The following DOCK8 variants were observed in gnomAD, a reference collection of about 807,000 sequenced individuals.
DOCK8 encodes the protein dedicator of cytokinesis 8.
In DOCK8, 141 loss-of-function variants were observed where a neutral mutation model predicts 245.6. The observed-to-expected ratio is 0.57, with a 90% CI of 0.50 to 0.66. DOCK8 has a LOEUF of 0.66. Among genes scored for constraint, DOCK8 ranks in the 30% least tolerant of loss-of-function variants. DOCK8 has a pLI of 0.00. For synonymous variants in DOCK8, 1,168 were observed against 970.2 expected, an observed-to-expected ratio of 1.20 and a Z score of -3.79; for missense variants, 2,965 against 2,603.4, an observed-to-expected ratio of 1.14 and a Z score of -3.02.
intron 18 of DOCK8, 82 bp from the exon 19 acceptor site, chr9:376,128 C>T (rs2053505101): frequency 2.1e-6 from 2 of 947,216 alleles, no homozygotes; most frequent in Non-Finnish European, 3.5e-6. Context: ...CTGACATTTC[C>T]AGTCAAGTTG....
rs369052464 is a variant in DOCK8 at position 334,291 on chromosome 9, C to T, written c.1192C>T (p.Arg398Trp). 2.3e-5 allele frequency: 37 copies of T among 1,614,144 alleles called. No individual in the cohort carries two copies. Among genetic ancestry groups the T allele is most frequent in the African/African-American group, 6.7e-5 (5 of 75,048 alleles). The change falls in exon 11 of 48, where the codon CGG becomes TGG. Residue 398 changes from arginine to tryptophan, a missense_variant. By Grantham distance (101) the Arg-to-Trp change is moderately radical (BLOSUM62 -3). Around this residue, in one of 3 missense-constraint regions of DOCK8, gnomAD observed 2,825 missense variants for 2,453.5 expected, o/e 1.15. Transcript: ENST00000432829. ...ESFCQRLGKY[R>W]MPFAWAPISL... The stretch of plus-strand genomic sequence containing the variant: ...CTTCTGCCAGCGTTTGGGGAAATAC[C>T]GGATGCCCTTTGCCTGGGCACCCAT...
Position 304,463 on chromosome 9 carries a change from C to G in DOCK8, c.405-118C>G, listed in dbSNP as rs746658017. The G allele has an allele frequency of 5.9e-6, 8 of 1,367,072 alleles. No homozygotes were observed. The Admixed American group carries it at 1.2e-4, about 21-fold the overall frequency. 84.7% of individuals were successfully genotyped at this position (1,367,072 alleles called of 1,614,324 possible). On this transcript the variant is annotated intron_variant, in intron 4 of 47. Transcript: ENST00000432829. ...TGTGAGGAATTATAATTGGTTCCCT[C>G]TTTGAAAGCTCTCTCAGCACCATGT...
intron 46 of DOCK8, among the ~76,000 whole-genome samples, chr9:453,668 C>G (rs757069848): frequency 2.8e-4 from 43 of 152,156 alleles, no homozygotes; most frequent in Admixed American, 4.6e-4. Flanking sequence ...CTCAAATGAT[C>G]CACCTGCCTT....
Position 428,362 on chromosome 9 carries a change from G to T in DOCK8, c.4339G>T (p.Ala1447Ser). 1 of 1,614,132 alleles carries T rather than the reference G, an allele frequency of 6.2e-7. No individual in the cohort carries two copies. Among genetic ancestry groups the T allele is most frequent in the Non-Finnish European group, 8.5e-7 (1 of 1,180,028 alleles). ...TGATGCTGTTCTTCCATTCCCCCAG[G>T]CGAGCTCGGCTCTGGACTGTAAAGA... ...ILDMQENIIQ[A>S]SSALDCKDSL... is the part of the protein sequence containing the mutation. The change falls in exon 35 of 48, where the codon GCG (alanine) becomes TCG (serine). Residue 1447 changes from alanine (A) to serine (S), a missense_variant and splice_region_variant. Coordinates refer to ENST00000432829, the MANE Select transcript of DOCK8 (RefSeq NM_203447.4).
chr9:418,164 A>G lies in DOCK8; in HGVS notation c.3797A>G (p.Asn1266Ser), dbSNP rs1266083328. 1.2e-6 allele frequency: 2 copies of G among 1,614,144 alleles called. No homozygotes were observed. The highest frequency in any genetic ancestry group is 1.3e-5 in the African/African-American group (1 of 74,954). Residue 1266 changes from asparagine to serine, a missense_variant, in exon 30 of 48, where the codon AAT (asparagine) becomes AGT (serine). Coordinates refer to ENST00000432829, the MANE Select transcript of DOCK8 (RefSeq NM_203447.4). ...NQNVALAIAGNNFNLKTSGIV... is the reference protein window; with the variant it reads ...NQNVALAIAGSNFNLKTSGIV... ...AATGTGGCTCTGGCCATAGCAGGGA[A>G]TAATTTCAATTTGAAAACAAGTGGA...
rs749646963 is a variant in DOCK8 at position 403,858 on chromosome 9, ATCTCTCTCTCTCTC to A, written c.3235-1038_3235-1025del. ...CCAGTTCAACAGAGCAAGACTCTGT[ATCTCTCTCTCTCTC>A]TCTCTCTCTCTCTCTCTCTCTATAT... is the stretch of plus-strand genomic sequence containing the variant. On this transcript the variant is annotated intron_variant, in intron 26 of 47. Coordinates refer to ENST00000432829, the MANE Select transcript of DOCK8 (RefSeq NM_203447.4). 3.5e-3 allele frequency among the ~76,000 whole-genome samples: 291 copies of A among 83,976 alleles called. 2 individuals are homozygous for A. The highest frequency in any genetic ancestry group is 0.012 in the African/African-American group (265 of 21,740). 55.1% of individuals were successfully genotyped at this position (83,976 alleles called of 152,430 possible). A position where few individuals can be genotyped will look rare whatever the true frequency, so the allele number is the denominator to read the frequency against.
chr9:421,343 A>G (rs1252802550), intron 32 of DOCK8, among the ~76,000 whole-genome samples: 1 of 152,190 alleles, frequency 6.6e-6, no homozygotes, highest in Non-Finnish European at 1.5e-5. Flanking sequence ...GTAAAAGGTC[A>G]CCTCTAAGAA....
chr9:430,718 G>A (rs1463638626), intron 36 of DOCK8, among the ~76,000 whole-genome samples: 1 of 151,638 alleles, frequency 6.6e-6, no homozygotes, highest in Non-Finnish European at 1.5e-5. Flanking sequence ...TAGATTAAAA[G>A]TTATCATCTG....
rs1359479868 is a variant in DOCK8 at position 428,372 on chromosome 9, C to G, written c.4349C>G (p.Ala1450Gly). 6.2e-7 allele frequency: 1 copy of G among 1,614,176 alleles called. No homozygotes were observed. Among genetic ancestry groups the G allele is most frequent in the East Asian group, 2.2e-5 (1 of 44,874 alleles). Reference sequence around the variant, plus strand: ...CTTCCATTCCCCCAGGCGAGCTCGGCTCTGGACTGTAAAGACAGCCTGCTG... The same window carrying G: ...CTTCCATTCCCCCAGGCGAGCTCGGGTCTGGACTGTAAAGACAGCCTGCTG... ...MQENIIQASS[A>G]LDCKDSLLGG... is the part of the protein sequence containing the mutation. Residue 1450 changes from alanine (A) to glycine (G), a missense_variant, in exon 35 of 48, where the codon GCT (alanine) becomes GGT (glycine). Around this residue, in one of 3 missense-constraint regions of DOCK8, gnomAD observed 2,825 missense variants for 2,453.5 expected, o/e 1.15. Transcript: ENST00000432829.
At chr9:214,664 G>A (rs1462643859), upstream of DOCK8, 12 of 1,600,870 alleles carry the variant, frequency 7.5e-6, no homozygotes, top group Middle Eastern at 1.7e-4. Context: ...TTCGGCCGGA[G>A]GTCGGCGGCC....
At chr9:272,672 C>G (rs2048195378) in intron 2 of DOCK8, among the ~76,000 whole-genome samples, 1 of 152,234 alleles carries the variant, frequency 6.6e-6, no homozygotes, top group Non-Finnish European at 1.5e-5. Flanking sequence ...CAGTGAGCCA[C>G]TGCACCTGGC....
intron 1 of DOCK8, among the ~76,000 whole-genome samples, chr9:221,612 G>C (rs1257890576): frequency 1.3e-5 from 2 of 150,480 alleles, no homozygotes; most frequent in East Asian, 3.9e-4. Context: ...AGAAGTTTGA[G>C]ACCAGCCTGG....
At chr9:442,279 G>T (rs2057117022) in intron 42 of DOCK8, among the ~76,000 whole-genome samples, 1 of 152,212 alleles carries the variant, frequency 6.6e-6, no homozygotes, top group African/African-American at 2.4e-5. Context: ...TTTGAAGTCT[G>T]TGCAAAATTC....
intron 17 of DOCK8, 37 bp downstream of exon 17, chr9:371,603 T>G: frequency 6.2e-7 from 1 of 1,613,724 alleles, no homozygotes; most frequent in Non-Finnish European, 8.5e-7. Context: ...ACACTGCAGT[T>G]GTTGGTGCAT....
chr9:386,498 G>A (rs956409670), intron 23 of DOCK8, 72 bp downstream of exon 23: 25 of 1,362,600 alleles, frequency 1.8e-5, no homozygotes, highest in Non-Finnish European at 2.5e-5. Flanking sequence ...CTCACACTGT[G>A]CTTGGGAATA....
intron 14 of DOCK8, among the ~76,000 whole-genome samples, chr9:343,485 TAA>T (rs140799445): frequency 1.9e-4 from 27 of 144,632 alleles, no homozygotes; most frequent in Non-Finnish European, 3.1e-4. Context: ...ACCCTATCTC[TAA>T]AAAAAAAAAA....
At chr9:249,384 A>T (rs1231970101) in intron 1 of DOCK8, among the ~76,000 whole-genome samples, 2 of 152,166 alleles carry the variant, frequency 1.3e-5, no homozygotes, top group African/African-American at 4.8e-5. Context: ...AAAGTCAGTG[A>T]TGTTTTCTAT....
At chr9:441,809 C>T in intron 41 of DOCK8, 66 bp from the exon 42 acceptor site, 2 of 1,602,702 alleles carry the variant, frequency 1.2e-6, no homozygotes, top group South Asian at 1.1e-5. Context: ...GACCCCTGCC[C>T]TTTGCAACTC....
At chr9:288,494 T>C (rs913575474) in intron 3 of DOCK8, among the ~76,000 whole-genome samples, 7 of 152,362 alleles carry the variant, frequency 4.6e-5, no homozygotes, top group African/African-American at 1.4e-4. Context: ...ACTGAATTAA[T>C]ACATATAAAG....
Sources: gnomAD v4.1 joint callset for allele counts (sites outside exome capture counted in the v4.1 genomes callset) on GRCh38, gnomAD v4.1.1 for gene constraint, gnomAD v4.1.1 regional missense constraint, MANE v1.5 for transcripts, NCBI Gene and HGNC (gene_info 2026-07-23, HGNC 2026-07-21) for gene names.